The following GRIA1 variants were observed in gnomAD, a reference collection of about 807,000 sequenced individuals.
The protein encoded by GRIA1 is glutamate ionotropic receptor AMPA type subunit 1, also known as glutamate receptor 1.
A neutral mutation model predicts 99.2 loss-of-function variants in GRIA1; 31 were observed. The ratio of observed to expected loss-of-function variants is 0.31; its 90% CI spans 0.23 to 0.42. The LOEUF (loss-of-function observed/expected upper bound fraction) is 0.42. GRIA1 is among the 10% of genes least tolerant of loss of function. The pLI is 1.00. For synonymous variants in GRIA1, 438 were observed against 432.4 expected (o/e 1.01, Z -0.16); for missense variants, 782 against 1,157.5 (o/e 0.68, Z 4.71).
chr5:153,778,651 CCACACA>C (rs57534899), intron 13 of GRIA1, among the ~76,000 whole-genome samples: 56,618 of 147,220 alleles, frequency 0.38, 11,524 homozygotes, highest in East Asian at 0.9. Flanking sequence ...TCACCCCCCA[CCACACA>C]CACACACACA....
intron 5 of GRIA1, among the ~76,000 whole-genome samples, chr5:153,660,985 A>C (rs1006287983): frequency 2.0e-5 from 3 of 152,208 alleles, no homozygotes; most frequent in Admixed American, 1.3e-4. Flanking sequence ...ATGTGCTTGC[A>C]GATTAACTCC....
At chr5:153,586,484 T>C (rs1416391086) in intron 2 of GRIA1, among the ~76,000 whole-genome samples, 1 of 152,192 alleles carries the variant, frequency 6.6e-6, no homozygotes, top group Non-Finnish European at 1.5e-5. Context: ...GCAATTTTTC[T>C]CCAGAGTCTC....
At chr5:153,610,299 AC>A (rs1332141533) in intron 2 of GRIA1, among the ~76,000 whole-genome samples, 2 of 152,226 alleles carry the variant, frequency 1.3e-5, no homozygotes, top group Admixed American at 6.5e-5. Context: ...TAGGATGAAA[AC>A]AAACCACAGA....
chr5:153,561,513 T>A (rs942242323), intron 2 of GRIA1, among the ~76,000 whole-genome samples: 2 of 152,150 alleles, frequency 1.3e-5, no homozygotes, highest in African/African-American at 4.8e-5. Context: ...TGGACAAGTG[T>A]CTGTGATGTC....
intron 2 of GRIA1, among the ~76,000 whole-genome samples, chr5:153,589,899 T>C (rs1763807846): frequency 6.6e-6 from 1 of 152,166 alleles, no homozygotes; most frequent in South Asian, 2.1e-4. Flanking sequence ...CGCACAGTAG[T>C]TCAGGTGTGC....
chr5:153,729,557 A>C (rs2149555656), intron 11 of GRIA1, among the ~76,000 whole-genome samples: 1 of 152,134 alleles, frequency 6.6e-6, no homozygotes, highest in East Asian at 1.9e-4. Flanking sequence ...GCTCTCTGCA[A>C]ATTCACAGAA....
intron 2 of GRIA1, among the ~76,000 whole-genome samples, chr5:153,587,116 A>T (rs1763557352): frequency 6.6e-6 from 1 of 152,132 alleles, no homozygotes; most frequent in South Asian, 2.1e-4. Context: ...CTCATGTTGA[A>T]TTGTAATCCC....
intron 2 of GRIA1, among the ~76,000 whole-genome samples, chr5:153,534,002 T>C (rs1056088550): frequency 1.3e-5 from 2 of 152,182 alleles, no homozygotes; most frequent in Non-Finnish European, 2.9e-5. Flanking sequence ...ACTGACCAAG[T>C]AGACCCCCCA....
chr5:153,755,921 A>G (rs1388571981), intron 11 of GRIA1, among the ~76,000 whole-genome samples: 1 of 152,182 alleles, frequency 6.6e-6, no homozygotes, highest in Non-Finnish European at 1.5e-5. Flanking sequence ...CCTGTAAACA[A>G]CTTTGTTCCT....
intron 5 of GRIA1, among the ~76,000 whole-genome samples, chr5:153,657,994 G>T (rs73285403): frequency 0.021 from 3,267 of 152,202 alleles, 106 homozygotes; most frequent in African/African-American, 0.075. Flanking sequence ...TAGTGCTAGA[G>T]CGGACTTAGG....
At chr5:153,556,310 G>A (rs7731734) in intron 2 of GRIA1, among the ~76,000 whole-genome samples, 70,812 of 151,872 alleles carry the variant, frequency 0.47, 18,249 homozygotes, top group Non-Finnish European at 0.59. Context: ...GAGAGGCTCA[G>A]AGATCAGTTG....
At chr5:153,722,630 G>A (rs1238434862) in intron 11 of GRIA1, among the ~76,000 whole-genome samples, 2 of 152,194 alleles carry the variant, frequency 1.3e-5, no homozygotes, top group African/African-American at 4.8e-5. Flanking sequence ...GCAGGTCTGT[G>A]TCTGGATTCT....
Position 153,724,535 on chromosome 5 carries a change from T to C in GRIA1, c.1823+18468T>C, listed in dbSNP as rs537888603. Reference sequence around the variant, plus strand: ...ATGAATGTATAACTAGAATAACCAATACAGAGAAGTGCTCAAAGGAGCTGA... The same window carrying C: ...ATGAATGTATAACTAGAATAACCAACACAGAGAAGTGCTCAAAGGAGCTGA... On this transcript the variant is annotated intron_variant, in intron 11 of 15. Transcript: ENST00000285900. Among the ~76,000 whole-genome samples, 1,175 of 152,138 alleles carry C rather than the reference T, an allele frequency of 7.7e-3. 20 individuals are homozygous for C. The highest frequency in any genetic ancestry group is 0.027 in the African/African-American group (1,110 of 41,498).
intron 11 of GRIA1, 86 bp downstream of exon 11, chr5:153,706,153 A>G (rs1758883738): frequency 1.6e-6 from 2 of 1,274,174 alleles, no homozygotes. Context: ...ACTGAAAAGT[A>G]AAGAGATGAA....
intron 2 of GRIA1, among the ~76,000 whole-genome samples, chr5:153,630,583 G>C (rs1430977202): frequency 6.6e-6 from 1 of 152,166 alleles, no homozygotes; most frequent in East Asian, 1.9e-4. Context: ...GAACAAGGCA[G>C]GTCCAAGCTT....
chr5:153,530,350 A>G (rs939563714), intron 2 of GRIA1, among the ~76,000 whole-genome samples: 2 of 152,236 alleles, frequency 1.3e-5, no homozygotes, highest in African/African-American at 4.8e-5. Context: ...ATGGAAGATG[A>G]TTTCTTTGCC....
chr5:153,644,854 T>C (rs1754022641), intron 2 of GRIA1, among the ~76,000 whole-genome samples: 1 of 151,600 alleles, frequency 6.6e-6, no homozygotes, highest in Non-Finnish European at 1.5e-5. Context: ...CAGAATGAGC[T>C]TGGAGCCCAG....
intron 2 of GRIA1, among the ~76,000 whole-genome samples, chr5:153,521,410 G>A (rs1757132032): frequency 6.6e-6 from 1 of 152,242 alleles, no homozygotes; most frequent in Non-Finnish European, 1.5e-5. Flanking sequence ...TAGCTGCAAA[G>A]GTACATTTTA....
chr5:153,740,529 C>A (rs996127273), intron 11 of GRIA1, among the ~76,000 whole-genome samples: 1 of 152,220 alleles, frequency 6.6e-6, no homozygotes, highest in Admixed American at 6.5e-5. Context: ...ATGTGGCCAA[C>A]CACTATCTTT....
Sources: gnomAD v4.1 joint callset for allele counts (sites outside exome capture counted in the v4.1 genomes callset) on GRCh38, gnomAD v4.1.1 for gene constraint, MANE v1.5 for transcripts, NCBI Gene and HGNC (gene_info 2026-07-23, HGNC 2026-07-21) for gene names.